The following APELA variants were observed in gnomAD, a reference collection of about 807,000 sequenced individuals.
APELA encodes the protein protein Elabela.
chr4:164,887,312 C>T (rs905670739), intron 2 of APELA, among the ~76,000 whole-genome samples: 40 of 152,104 alleles, frequency 2.6e-4, no homozygotes, highest in African/African-American at 9.2e-4. Flanking sequence ...CTTGGTATTA[C>T]GGAAGACATG....
chr4:164,890,942 A>G (rs146163401), intron 2 of APELA, among the ~76,000 whole-genome samples: 33 of 152,268 alleles, frequency 2.2e-4, no homozygotes, highest in African/African-American at 6.7e-4. Flanking sequence ...GTGACAACTT[A>G]TTGTGGTTTT....
chr4:164,877,803 C>T (rs1163554526), intron 1 of APELA, among the ~76,000 whole-genome samples: 2 of 151,946 alleles, frequency 1.3e-5, no homozygotes, highest in Non-Finnish European at 2.9e-5. Flanking sequence ...TATGTTGCTG[C>T]CCAGAGTAGG....
intron 2 of APELA, among the ~76,000 whole-genome samples, chr4:164,884,163 A>G (rs1306349716): frequency 1.6e-4 from 20 of 123,544 alleles, no homozygotes; most frequent in African/African-American, 6.4e-4. Context: ...AAGAAAGGAG[A>G]AGAGAAAGAA....
At chr4:164,880,093 G>A (rs1311887909) in intron 2 of APELA, among the ~76,000 whole-genome samples, 1 of 152,142 alleles carries the variant, frequency 6.6e-6, no homozygotes, top group Non-Finnish European at 1.5e-5. Flanking sequence ...TTAAGATATA[G>A]CTTCCTTAAA....
intron 2 of APELA, among the ~76,000 whole-genome samples, chr4:164,891,171 C>T (rs1263594596): frequency 6.6e-6 from 1 of 152,002 alleles, no homozygotes; most frequent in Non-Finnish European, 1.5e-5. Context: ...ATATTTTCTT[C>T]CATTCTGTGG....
intron 2 of APELA, among the ~76,000 whole-genome samples, chr4:164,879,859 A>G (rs190704676): frequency 1.6e-3 from 251 of 152,338 alleles, no homozygotes; most frequent in African/African-American, 5.7e-3. Flanking sequence ...AGCCTCACCA[A>G]TAGTAGTGAT....
chr4:164,892,313 C>A (rs1343704508), intron 2 of APELA, among the ~76,000 whole-genome samples: 1 of 151,874 alleles, frequency 6.6e-6, no homozygotes, highest in Non-Finnish European at 1.5e-5. Context: ...GGAGTGTGAC[C>A]CTGTCTCAAA....
chr4:164,890,794 G>A (rs768469997), intron 2 of APELA, among the ~76,000 whole-genome samples: 1 of 152,210 alleles, frequency 6.6e-6, no homozygotes, highest in Non-Finnish European at 1.5e-5. Flanking sequence ...TATGCTATGT[G>A]TAACTCATTG....
At chr4:164,895,007 C>T (rs1477077658) in intron 2 of APELA, among the ~76,000 whole-genome samples, 1 of 152,086 alleles carries the variant, frequency 6.6e-6, no homozygotes, top group Non-Finnish European at 1.5e-5. Flanking sequence ...AAGAAGCAGC[C>T]TTCATGTCTT....
At position 164,882,352 on chromosome 4, in the gene APELA, C is replaced by G. The variant is rs180739425; in HGVS notation, c.*1+3343C>G. Reference sequence around the variant, plus strand: ...TCCCGACCTCAGGTGATCTGCCCCCCCTCAGACTCCCAAAGTGCTGGGATT... The same window carrying G: ...TCCCGACCTCAGGTGATCTGCCCCCGCTCAGACTCCCAAAGTGCTGGGATT... On this transcript the variant is annotated intron_variant, in intron 2 of 2. Transcript: ENST00000507152. Among the ~76,000 whole-genome samples, 15 of 152,236 alleles carry G rather than the reference C, an allele frequency of 9.9e-5. No individual in the cohort carries two copies. The East Asian group carries it at 1.5e-3, about 16-fold the overall frequency.
chr4:164,879,812 TAA>T (rs1461500019), intron 2 of APELA, among the ~76,000 whole-genome samples: 3 of 152,232 alleles, frequency 2.0e-5, no homozygotes, highest in Non-Finnish European at 2.9e-5. Context: ...TTTTAATAGA[TAA>T]AGTAAAGTTA....
At chr4:164,877,932 A>T (rs775145296) in intron 1 of APELA, among the ~76,000 whole-genome samples, 3 of 152,176 alleles carry the variant, frequency 2.0e-5, no homozygotes, top group Non-Finnish European at 4.4e-5. Context: ...AAATAAGTGC[A>T]GTTTTTATTA....
At chr4:164,878,386 A>G (rs1279573944) in intron 1 of APELA, among the ~76,000 whole-genome samples, 3 of 152,152 alleles carry the variant, frequency 2.0e-5, no homozygotes, top group African/African-American at 7.2e-5. Flanking sequence ...CTTTTTAGTG[A>G]ATTAGAAGTT....
chr4:164,887,462 C>A (rs59333069), intron 2 of APELA, among the ~76,000 whole-genome samples: 1,934 of 151,746 alleles, frequency 0.013, 42 homozygotes, highest in African/African-American at 0.044. Context: ...TATCCTAAAA[C>A]AAAAAAAACA....
rs776163912 is a variant in APELA at position 164,882,058 on chromosome 4, A to G, written c.*1+3049A>G. On this transcript the variant is annotated intron_variant, in intron 2 of 2. Transcript: ENST00000507152. ...TACTTACTTAATATGTACTCTAGAT[A>G]ACTACATACTCCGTCAATACATACT... 2.6e-5 allele frequency among the ~76,000 whole-genome samples: 4 copies of G among 152,116 alleles called. No individual in the cohort carries two copies. In the South Asian group the frequency reaches 8.3e-4, roughly 32 times the overall value.
intron 2 of APELA, among the ~76,000 whole-genome samples, chr4:164,887,900 C>T (rs893821183): frequency 6.6e-6 from 1 of 152,200 alleles, no homozygotes; most frequent in African/African-American, 2.4e-5. Flanking sequence ...GCTTGAGCCA[C>T]CGTGCCCAGT....
At chr4:164,898,502 CAA>C (rs371909619), downstream of APELA, among the ~76,000 whole-genome samples, 24,653 of 89,304 alleles carry the variant, frequency 0.28, 2,070 homozygotes, top group Non-Finnish European at 0.3. Context: ...AACTCTGCCT[CAA>C]AAAAAAAAAA....
At chr4:164,893,732 G>A (rs1303764477) in intron 2 of APELA, among the ~76,000 whole-genome samples, 1 of 151,970 alleles carries the variant, frequency 6.6e-6, no homozygotes, top group Non-Finnish European at 1.5e-5. Context: ...AAGAACCTAT[G>A]GTTAATCATG....
chr4:164,885,824 GAC>G (rs1158173140), intron 2 of APELA, among the ~76,000 whole-genome samples: 2 of 151,760 alleles, frequency 1.3e-5, no homozygotes, highest in Non-Finnish European at 2.9e-5. Context: ...GTTCTCACTA[GAC>G]ACACACACAT....
Sources: allele counts gnomAD v4.1 joint callset (sites outside exome capture counted in the v4.1 genomes callset), GRCh38; gene constraint gnomAD v4.1.1; transcripts MANE v1.5; gene names NCBI Gene and HGNC (gene_info 2026-07-23, HGNC 2026-07-21).